TYW1: variants seen among roughly 807,000 people sequenced by gnomAD.
TYW1 encodes S-adenosyl-L-methionine-dependent tRNA 4-demethylwyosine synthase TYW1.
A neutral mutation model predicts 96.2 loss-of-function variants in TYW1; 46 were observed. The ratio of observed to expected loss-of-function variants is 0.48; its 90% confidence interval spans 0.38 to 0.61. The LOEUF is 0.61. Among genes scored for constraint, TYW1 ranks in the 20% least tolerant of loss-of-function variants. The probability of loss-of-function intolerance (pLI) is 0.00; values close to 1 mark genes in which losing one functional copy is unlikely to be tolerated. For synonymous variants in TYW1, 274 were observed against 323.0 expected, an observed-to-expected ratio of 0.85 and a Z score of 1.63; for missense variants, 684 against 909.6, an observed-to-expected ratio of 0.75 and a Z score of 3.19.
At chr7:67,026,774 A>AAAACTGTAGC (rs1200675449) in intron 7 of TYW1, among the ~76,000 whole-genome samples, 129 of 152,114 alleles carry the variant, frequency 8.5e-4, no homozygotes, top group African/African-American at 3.1e-3. Context: ...ATCTCTAATT[A>AAAACTGTAGC]AAACTGTAGT....
chr7:67,209,844 T>A (rs1290523768), intron 15 of TYW1, among the ~76,000 whole-genome samples: 1 of 152,200 alleles, frequency 6.6e-6, no homozygotes, highest in African/African-American at 2.4e-5. Context: ...ATTGCTGGGA[T>A]CACAGGCATG....
chr7:67,199,178 C>T (rs1448324652), intron 15 of TYW1, among the ~76,000 whole-genome samples: 1 of 151,540 alleles, frequency 6.6e-6, no homozygotes, highest in African/African-American at 2.4e-5. Context: ...TTCTGGGCAA[C>T]AGAGTGAGAC....
At chr7:67,151,808 TTG>T (rs1798810229) in intron 13 of TYW1, among the ~76,000 whole-genome samples, 2 of 150,828 alleles carry the variant, frequency 1.3e-5, no homozygotes, top group Non-Finnish European at 3.0e-5. Context: ...GCTTTTTTTG[TTG>T]TTGTTGTTGT....
At chr7:67,124,768 C>G (rs1275031772) in intron 13 of TYW1, among the ~76,000 whole-genome samples, 1 of 152,068 alleles carries the variant, frequency 6.6e-6, no homozygotes, top group Non-Finnish European at 1.5e-5. Context: ...AATAGTGGTT[C>G]TGAATACAAG....
In TYW1 at chr7:67,236,674, A is replaced by G. The variant is rs532547050; in HGVS notation, c.1978-1634A>G. Among the ~76,000 whole-genome samples, 7 of 152,340 alleles carry G rather than the reference A, an allele frequency of 4.6e-5. No homozygotes were observed. In the East Asian group the frequency reaches 1.3e-3, roughly 29 times the overall value. On this transcript the variant is annotated intron_variant, in intron 15 of 15. Coordinates refer to ENST00000359626, the MANE Select transcript of TYW1 (RefSeq NM_018264.4). ...CATTTCCATGAATGGTCTTATTACAAGAAAATTTCTTCTAATTCATAGAGT... is the reference window on the plus strand; with the variant it reads ...CATTTCCATGAATGGTCTTATTACAGGAAAATTTCTTCTAATTCATAGAGT...
chr7:67,163,414 C>T (rs1395365756), intron 13 of TYW1, among the ~76,000 whole-genome samples: 1 of 152,154 alleles, frequency 6.6e-6, no homozygotes, highest in East Asian at 1.9e-4. Flanking sequence ...GCGCTCATCT[C>T]TTCTTGTGGT....
At chr7:67,183,294 G>T (rs1450994953) in intron 14 of TYW1, 58 bp downstream of exon 14, 4 of 1,494,642 alleles carry the variant, frequency 2.7e-6, no homozygotes, top group Non-Finnish European at 3.6e-6. Context: ...GTGGTGCTTC[G>T]TTGGCCATCG....
At chr7:67,219,696 C>A (rs1302195048) in intron 15 of TYW1, among the ~76,000 whole-genome samples, 1 of 138,914 alleles carries the variant, frequency 7.2e-6, no homozygotes, top group Non-Finnish European at 1.6e-5. Context: ...TACACTCTTA[C>A]AGTTTTTTTT....
At chr7:67,008,303 C>G (rs1024238488) in intron 3 of TYW1, among the ~76,000 whole-genome samples, 1 of 152,138 alleles carries the variant, frequency 6.6e-6, no homozygotes, top group African/African-American at 2.4e-5. Flanking sequence ...CTTGGAGGCT[C>G]CATTACATAG....
chr7:67,054,329 A>T (rs1468961935), intron 8 of TYW1, among the ~76,000 whole-genome samples: 5 of 152,150 alleles, frequency 3.3e-5, no homozygotes. Context: ...ATCTTGGGAG[A>T]GAAAAATATA....
chr7:67,059,751 ATCAT>A (rs1450010498), intron 9 of TYW1, among the ~76,000 whole-genome samples: 2 of 151,242 alleles, frequency 1.3e-5, no homozygotes, highest in East Asian at 1.9e-4. Context: ...AGCATGACTG[ATCAT>A]TCATCTTGTA....
intron 10 of TYW1, among the ~76,000 whole-genome samples, chr7:67,080,940 G>GTTTTTTTTTTTTTTTTTTTTTT (rs71049495): frequency 2.7e-5 from 1 of 37,252 alleles, no homozygotes. Context: ...CTTTCTTACT[G>GTTTTTTTTTTTTTTTTTTTTTT]TTTTTTTTTT....
chr7:67,060,041 G>A (rs1795647279), intron 9 of TYW1, among the ~76,000 whole-genome samples: 1 of 150,320 alleles, frequency 6.7e-6, no homozygotes, highest in South Asian at 2.1e-4. Context: ...CCAAAGTTCT[G>A]GGATTACAGG....
At chr7:67,166,344 ATATAAT>A (rs1036173929) in intron 13 of TYW1, among the ~76,000 whole-genome samples, 86 of 142,530 alleles carry the variant, frequency 6.0e-4, no homozygotes, top group African/African-American at 2.1e-3. Flanking sequence ...TATATATAAT[ATATAAT>A]TATATATAAT....
At chr7:67,081,680 T>G (rs1203161192) in intron 10 of TYW1, among the ~76,000 whole-genome samples, 1 of 151,564 alleles carries the variant, frequency 6.6e-6, no homozygotes, top group Non-Finnish European at 1.5e-5. Flanking sequence ...TTCCTCCTCC[T>G]CTCTCCTCTA....
At chr7:67,219,546 A>G (rs1280647089) in intron 15 of TYW1, among the ~76,000 whole-genome samples, 1 of 152,218 alleles carries the variant, frequency 6.6e-6, no homozygotes, top group Non-Finnish European at 1.5e-5. Flanking sequence ...ATCTTAAATT[A>G]CTGATTTAAT....
chr7:67,020,800 C>A (rs1338285055), intron 6 of TYW1, among the ~76,000 whole-genome samples: 1 of 152,270 alleles, frequency 6.6e-6, no homozygotes, highest in Non-Finnish European at 1.5e-5. Context: ...GAATCCAAGG[C>A]AGGCGGATCA....
At chr7:67,186,474 A>G (rs918303281) in intron 14 of TYW1, among the ~76,000 whole-genome samples, 8 of 152,034 alleles carry the variant, frequency 5.3e-5, no homozygotes, top group South Asian at 2.1e-4. Context: ...CCTTCTGTCT[A>G]TAGCTGAGAT....
chr7:67,045,417 T>C (rs550216811), intron 7 of TYW1, among the ~76,000 whole-genome samples: 5 of 152,176 alleles, frequency 3.3e-5, no homozygotes, highest in African/African-American at 1.2e-4. Flanking sequence ...GAGATCTCAC[T>C]ATGTTGCCCA....
Sources: allele counts gnomAD v4.1 joint callset (sites outside exome capture counted in the v4.1 genomes callset), GRCh38; gene constraint gnomAD v4.1.1; transcripts MANE v1.5; gene names NCBI Gene and HGNC (gene_info 2026-07-23, HGNC 2026-07-21).